The following MTR variants were observed in gnomAD, a reference collection of about 807,000 sequenced individuals.
MTR encodes the protein methionine synthase.
MTR carries 84 observed loss-of-function variants against 154.8 expected under a neutral mutation model. The ratio of observed to expected loss-of-function variants is 0.54; its 90% CI spans 0.45 to 0.65. The LOEUF is 0.65. MTR is among the 30% of genes least tolerant of loss of function. The probability of loss-of-function intolerance (pLI) is 0.00; values close to 1 mark genes in which losing one functional copy is unlikely to be tolerated. For synonymous variants in MTR, 554 were observed against 553.9 expected (o/e 1.00, Z 0.00); for missense variants, 1,275 against 1,570.2 (o/e 0.81, Z 3.18).
Position 236,896,874 on chromosome 1 carries a change from A to T in MTR, c.3599-132A>T. 3.9e-6 allele frequency: 3 copies of T among 775,634 alleles called. No homozygotes were observed. In the East Asian group the frequency reaches 7.3e-5, roughly 19 times the overall value. 48.0% of individuals were successfully genotyped at this position (775,634 alleles called of 1,614,324 possible). A position where few individuals can be genotyped will look rare whatever the true frequency, so the allele number is the denominator to read the frequency against. ...CTGATCACAGCTTTCATGCTGTGTC[A>T]TGTGTCTACCTAGAAGGCATGAGCT... On this transcript the variant is annotated intron_variant, in intron 31 of 32. Coordinates refer to ENST00000366577, the MANE Select transcript of MTR (RefSeq NM_000254.3).
chr1:236,852,166 A>C (rs1242665179), intron 16 of MTR, among the ~76,000 whole-genome samples: 3 of 152,302 alleles, frequency 2.0e-5, no homozygotes, highest in Non-Finnish European at 4.4e-5. Flanking sequence ...TCAAGTTCAT[A>C]GTGAACTAGG....
intron 1 of MTR, chr1:236,800,103 A>T: frequency 8.1e-6 from 8 of 985,404 alleles, no homozygotes; most frequent in Non-Finnish European, 9.6e-6. Flanking sequence ...AAAAGTACTA[A>T]GACTTTTTAT....
intron 2 of MTR, among the ~76,000 whole-genome samples, chr1:236,804,282 G>A (rs1053894499): frequency 6.6e-6 from 1 of 152,164 alleles, no homozygotes; most frequent in Non-Finnish European, 1.5e-5. Context: ...GGTATTAGGA[G>A]GTGCCCTTAT....
chr1:236,824,594 C>G (rs1662173292), intron 9 of MTR, among the ~76,000 whole-genome samples: 1 of 152,120 alleles, frequency 6.6e-6, no homozygotes, highest in Non-Finnish European at 1.5e-5. Context: ...TGTGGTGTTA[C>G]CTTTTTCTTC....
In MTR at chr1:236,870,693, C is replaced by T. The variant is rs185527719; in HGVS notation, c.2406-3080C>T. ...CTCCACTGTGGATCTCTCCCCCAGACTTTAGACTTACATATCCAGTGGACT... is the reference window on the plus strand; with the variant it reads ...CTCCACTGTGGATCTCTCCCCCAGATTTTAGACTTACATATCCAGTGGACT... On this transcript the variant is annotated intron_variant, in intron 22 of 32. Transcript: ENST00000366577. Among the ~76,000 whole-genome samples, 260 of 152,320 alleles carry T rather than the reference C, an allele frequency of 1.7e-3. 2 individuals are homozygous for T. The highest frequency in any genetic ancestry group is 2.4e-3 in the Non-Finnish European group (162 of 68,024).
intron 13 of MTR, among the ~76,000 whole-genome samples, chr1:236,834,568 G>GTA (rs2103142064): frequency 6.6e-6 from 1 of 152,006 alleles, no homozygotes; most frequent in Admixed American, 6.6e-5. Context: ...ATGCCATAGG[G>GTA]TTTCATGCCT....
chr1:236,897,310 G>GCACACACACACACACACA (rs57786802), intron 32 of MTR, among the ~76,000 whole-genome samples, 192 bp downstream of exon 32: 9 of 128,656 alleles, frequency 7.0e-5, no homozygotes, highest in African/African-American at 1.1e-4. Flanking sequence ...CCACACACAC[G>GCACACACACACACACACA]CACACACACA....
intron 25 of MTR, among the ~76,000 whole-genome samples, chr1:236,882,447 G>A (rs1665794614): frequency 6.7e-6 from 1 of 150,076 alleles, no homozygotes; most frequent in Non-Finnish European, 1.5e-5. Flanking sequence ...CTGAGGTGCA[G>A]TGGCTCGATC....
At chr1:236,872,731 G>A (rs1485603112) in intron 22 of MTR, among the ~76,000 whole-genome samples, 1 of 152,202 alleles carries the variant, frequency 6.6e-6, no homozygotes, top group African/African-American at 2.4e-5. Flanking sequence ...TGTGGCTCAA[G>A]CCTATAATCC....
At chr1:236,807,464 G>A (rs565539446) in intron 3 of MTR, among the ~76,000 whole-genome samples, 3 of 152,224 alleles carry the variant, frequency 2.0e-5, no homozygotes, top group South Asian at 2.1e-4. Context: ...GTGAGCCACC[G>A]CGCCTGGCCG....
chr1:236,895,231 A>C (rs888217922), intron 30 of MTR, 127 bp from the exon 31 acceptor site: 1 of 1,061,994 alleles, frequency 9.4e-7, no homozygotes, highest in Non-Finnish European at 1.4e-6. Flanking sequence ...CCTCTTGTCA[A>C]ATTTCCCCTG....
chr1:236,825,493 A>G, intron 10 of MTR, 94 bp downstream of exon 10: 2 of 1,237,364 alleles, frequency 1.6e-6, no homozygotes, highest in Non-Finnish European at 2.4e-6. Context: ...CCCTGAAGAA[A>G]TCCCAATGTA....
chr1:236,896,460 C>T (rs1666628570), intron 31 of MTR, among the ~76,000 whole-genome samples: 1 of 152,226 alleles, frequency 6.6e-6, no homozygotes. Flanking sequence ...AGCACTCACC[C>T]TTCATGTTGC....
At chr1:236,885,775 G>C (rs1018649821) in intron 26 of MTR, among the ~76,000 whole-genome samples, 1 of 152,192 alleles carries the variant, frequency 6.6e-6, no homozygotes. Context: ...TCTGCCTTCT[G>C]GGCTTTGGTG....
chr1:236,893,622 T>C (rs925025895), intron 29 of MTR, among the ~76,000 whole-genome samples: 4 of 152,232 alleles, frequency 2.6e-5, no homozygotes, highest in Admixed American at 6.5e-5. Context: ...TTATAAGCTA[T>C]TTACCTTCTC....
chr1:236,826,341 G>C (rs1442064324), intron 10 of MTR, among the ~76,000 whole-genome samples: 1 of 152,190 alleles, frequency 6.6e-6, no homozygotes, highest in African/African-American at 2.4e-5. Context: ...GTGTTGCTCA[G>C]GCTGAAGTTC....
Position 236,897,725 on chromosome 1 carries a change from C to T in MTR, c.*81C>T, listed in dbSNP as rs1174942529. The T allele has an allele frequency of 3.2e-6, 4 of 1,257,176 alleles. No homozygotes were observed. The highest frequency in any genetic ancestry group is 4.6e-6 in the Non-Finnish European group (4 of 869,766). 77.9% of individuals were successfully genotyped at this position (1,257,176 alleles called of 1,614,324 possible). A position where few individuals can be genotyped will look rare whatever the true frequency, so the allele number is the denominator to read the frequency against. ...TAGGGTGCCTTAAAAATAACAACAA[C>T]AAAAAACCTGTGTGCATCTGGCTGA... On this transcript the variant is annotated 3_prime_UTR_variant, in exon 33 of 33. Transcript: ENST00000366577.
In MTR at chr1:236,863,377, C is replaced by G. The variant is rs1470407181; in HGVS notation, c.2305-77C>G. 10 of 1,127,802 alleles carry G rather than the reference C, an allele frequency of 8.9e-6. No individual in the cohort carries two copies. In the South Asian group the frequency reaches 1.3e-4, roughly 14 times the overall value. The allele number at this position is 1,127,802 out of a possible 1,614,324, so 69.9% of individuals were successfully genotyped here. ...GTATTGAATTGCTTTCTGTGCTGGC[C>G]CCTGCCTGGCTCTGGAGAACTAGGT... On this transcript the variant is annotated intron_variant, in intron 21 of 32. Transcript: ENST00000366577.
chr1:236,808,740 A>G lies in MTR; in HGVS notation c.376A>G (p.Arg126Gly), dbSNP rs1365119706. 3.1e-6 allele frequency: 5 copies of G among 1,614,084 alleles called. No homozygotes were observed. Among genetic ancestry groups the G allele is most frequent in the African/African-American group, 1.3e-5 (1 of 74,928 alleles). Residue 126 changes from arginine (R) to glycine (G), a missense_variant, in exon 4 of 33, where the codon AGA becomes GGA. Coordinates refer to ENST00000366577, the MANE Select transcript of MTR (RefSeq NM_000254.3). The part of the protein sequence containing the change: ...RMNMCSAGVA[R>G]KAAEEVTLQT... ...GAACATGTGCTCTGCAGGAGTGGCC[A>G]GAAAAGCTGCCGAGGAGGTAACTCT...
Sources: gnomAD v4.1 joint callset for allele counts (sites outside exome capture counted in the v4.1 genomes callset) on GRCh38, gnomAD v4.1.1 for gene constraint, MANE v1.5 for transcripts, NCBI Gene and HGNC (gene_info 2026-07-23, HGNC 2026-07-21) for gene names.